HIBCH: variants seen among roughly 807,000 people sequenced by gnomAD.
HIBCH encodes the protein 3-hydroxyisobutyryl-CoA hydrolase, mitochondrial.
Under a neutral mutation model 58.2 loss-of-function variants are expected in HIBCH, and 50 were observed. The observed-to-expected ratio is 0.86, with a 90% confidence interval of 0.68 to 1.09. The LOEUF (loss-of-function observed/expected upper bound fraction) is 1.09. HIBCH is among the 50% of genes least tolerant of loss of function. HIBCH has a pLI of 0.00. For missense variants in HIBCH, 450 were observed against 449.7 expected, an observed-to-expected ratio of 1.00 and a Z score of -0.01; for synonymous variants, 151 against 146.9, an observed-to-expected ratio of 1.03 and a Z score of -0.20.
chr2:190,248,072 A>C (rs1258719905), intron 9 of HIBCH, among the ~76,000 whole-genome samples: 1 of 151,892 alleles, frequency 6.6e-6, no homozygotes, highest in East Asian at 1.9e-4. Flanking sequence ...GTTGTTTAAG[A>C]GGTAAAATAT....
chr2:190,193,023 G>A (rs928007851), intron 1 of HIBCH, among the ~76,000 whole-genome samples: 2 of 151,946 alleles, frequency 1.3e-5, no homozygotes, highest in South Asian at 4.1e-4. Flanking sequence ...TACTCAGTGG[G>A]ACTTCCGGTA....
chr2:190,205,154 T>C lies in HIBCH; in HGVS notation c.1124A>G (p.His375Arg), dbSNP rs1690359039. The change falls in exon 14 of 14, where the codon CAC becomes CGC. Residue 375 changes from histidine (H) to arginine (R), a missense_variant. By Grantham distance (29) the His-to-Arg change is conservative. Transcript: ENST00000359678. Reference protein sequence around the residue: ...KEVTEEDLNNHFKSLGSSDLK... With the variant: ...KEVTEEDLNNRFKSLGSSDLK... The stretch of plus-strand genomic sequence containing the variant: ...ATCACTGCTTCCCAAAGACTTAAAG[T>C]GATTATTCAAATCTTCCTCAGTAAC... 2 of 1,609,154 alleles carry C rather than the reference T, an allele frequency of 1.2e-6. No individual in the cohort carries two copies. Among genetic ancestry groups the C allele is most frequent in the East Asian group, 2.2e-5 (1 of 44,836 alleles).
rs572919427 is a variant in HIBCH at position 190,314,372 on chromosome 2, T to C, written c.36-3576A>G. 6.4e-3 allele frequency among the ~76,000 whole-genome samples: 553 copies of C among 86,598 alleles called. 7 individuals carry two copies. The highest frequency in any genetic ancestry group is 0.024 in the African/African-American group (512 of 20,958). 56.8% of individuals were successfully genotyped at this position (86,598 alleles called of 152,430 possible). On this transcript the variant is annotated intron_variant, in intron 1 of 13. Coordinates refer to ENST00000359678, the MANE Select transcript of HIBCH (RefSeq NM_014362.4). ...GTGTATATATACGTATATATATACG[T>C]ATATATGTGTATATATATGTATATA...
intron 1 of HIBCH, among the ~76,000 whole-genome samples, chr2:190,194,395 A>G (rs925700034): frequency 1.3e-5 from 2 of 151,440 alleles, no homozygotes; most frequent in African/African-American, 4.9e-5. Flanking sequence ...ATTTTTTAAA[A>G]AAATAATAGA....
chr2:190,230,678 G>C (rs879934768), intron 11 of HIBCH, among the ~76,000 whole-genome samples: 4 of 152,226 alleles, frequency 2.6e-5, no homozygotes, highest in African/African-American at 9.6e-5. Flanking sequence ...CTGGGCGAGA[G>C]AGCAAGACTC....
intron 7 of HIBCH, among the ~76,000 whole-genome samples, chr2:190,255,848 A>AGAGT (rs1553501218): frequency 0.015 from 2,324 of 151,024 alleles, 58 homozygotes; most frequent in East Asian, 0.11. Context: ...AGAGAGAGAG[A>AGAGT]GTGTGTGTGT....
In HIBCH at chr2:190,207,367, C is replaced by G. The variant is rs189793377; in HGVS notation, c.1045+1513G>C. ...GTAATCCACATGCAGCAAGAATTTG[C>G]AGAGAATTTGTGAGGAAAATGCCTA... On this transcript the variant is annotated intron_variant, in intron 13 of 13. Coordinates refer to ENST00000359678, the MANE Select transcript of HIBCH (RefSeq NM_014362.4). The surrounding 1 kb of genome is among the most constrained non-coding windows in gnomAD (Gnocchi z 4.5). 1.2e-3 allele frequency among the ~76,000 whole-genome samples: 189 copies of G among 152,222 alleles called. No homozygotes were observed. The highest frequency in any genetic ancestry group is 2.2e-3 in the Non-Finnish European group (153 of 68,010).
At chr2:190,199,954 G>T (rs568954789), downstream of HIBCH, 14 of 1,614,016 alleles carry the variant, frequency 8.7e-6, no homozygotes, top group Non-Finnish European at 1.1e-5. Flanking sequence ...TATGCCAGAA[G>T]AGAGATGTCT....
intron 12 of HIBCH, among the ~76,000 whole-genome samples, chr2:190,212,384 T>C (rs1240478826): frequency 3.3e-5 from 5 of 152,232 alleles, no homozygotes; most frequent in Non-Finnish European, 7.3e-5. Flanking sequence ...AAGGGTCCTC[T>C]GAACATAAAG....
intron 11 of HIBCH, among the ~76,000 whole-genome samples, chr2:190,225,289 T>C (rs957155476): frequency 1.6e-4 from 24 of 151,758 alleles, no homozygotes; most frequent in Admixed American, 1.4e-3. Flanking sequence ...CTGAAGGAAA[T>C]AGAGACACAA....
In HIBCH at chr2:190,287,618, C is replaced by G; in HGVS notation, c.406G>C (p.Val136Leu). Residue 136 changes from valine to leucine, a missense_variant, in exon 6 of 14, where the codon GTT (valine) becomes CTT (leucine). Physicochemically the swap from Val to Leu is conservative, Grantham distance 32. Transcript: ENST00000359678. ...NAVGSCQKPY[V>L]ALIHGITMGG... ...ATTGTAATTCCATGAATAAGTGCAA[C>G]ATAAGGTTTCTGGCAAGAACCTGAA... is the stretch of plus-strand genomic sequence containing the variant. 6.2e-7 allele frequency: 1 copy of G among 1,611,504 alleles called. No homozygotes were observed. Among genetic ancestry groups the G allele is most frequent in the Non-Finnish European group, 8.5e-7 (1 of 1,177,956 alleles).
intron 11 of HIBCH, among the ~76,000 whole-genome samples, chr2:190,240,296 T>C (rs1436808033): frequency 6.6e-6 from 1 of 152,230 alleles, no homozygotes; most frequent in Admixed American, 6.5e-5. Context: ...GAGAGGTGTT[T>C]ACAGCATTCT....
chr2:190,208,945 T>C, intron 12 of HIBCH, 32 bp from the exon 13 acceptor site: 2 of 1,599,778 alleles, frequency 1.3e-6, no homozygotes, highest in Non-Finnish European at 8.6e-7. Context: ...ATGGGGATAA[T>C]TTCTGGGTGT....
Position 190,254,750 on chromosome 2 carries a change from A to C in HIBCH, c.518-2443T>G, listed in dbSNP as rs975209785. Among the ~76,000 whole-genome samples the C allele has an allele frequency of 2.6e-5, 4 of 152,132 alleles. No individual in the cohort carries two copies. The highest frequency in any genetic ancestry group is 4.4e-5 in the Non-Finnish European group (3 of 68,032). On this transcript the variant is annotated intron_variant, in intron 7 of 13. Transcript: ENST00000359678. The surrounding 1 kb of genome is among the most constrained non-coding windows in gnomAD (Gnocchi z 5.0). ...TCAGTTAAGCCCAAAACATGTTTCAAATCTATTCACTCTTTTCAACTCTAT... is the reference window on the plus strand; with the variant it reads ...TCAGTTAAGCCCAAAACATGTTTCACATCTATTCACTCTTTTCAACTCTAT...
In HIBCH at chr2:190,296,906, T is replaced by C; in HGVS notation, c.126A>G (p.Lys42=). The C allele has an allele frequency of 6.2e-7, 1 of 1,614,096 alleles. No homozygotes were observed. ...GTGTTATGACTCCCGTGCAACCTTT[T>C]TTTTCCAATAGCACCTCTTCTGCTG... ...TDAAEEVLLE[K]KGCTGVITLN... Residue 42 remains lysine, a synonymous_variant, in exon 3 of 14, where the codon AAA becomes AAG. Coordinates refer to ENST00000359678, the MANE Select transcript of HIBCH (RefSeq NM_014362.4).
chr2:190,258,322 A>C (rs1328757266), intron 7 of HIBCH, among the ~76,000 whole-genome samples: 1 of 152,172 alleles, frequency 6.6e-6, no homozygotes, highest in Admixed American at 6.5e-5. Flanking sequence ...TCTTTTCTTC[A>C]TAAATTACCC....
rs200045828 is a variant in HIBCH, at chr2:190,246,108, A to G, written c.809+46T>C. On this transcript the variant is annotated intron_variant, in intron 10 of 13. Transcript: ENST00000359678. ...ATAATGTTAGCAAATTCATTTTAAC[A>G]TAGTCTTTCTAAAGGAATATATAAC... The G allele has an allele frequency of 2.6e-4, 285 of 1,090,182 alleles. 1 individual carries two copies. In the African/African-American group the frequency reaches 4.0e-3, roughly 15 times the overall value. 67.5% of individuals were successfully genotyped at this position (1,090,182 alleles called of 1,614,324 possible). A position where few individuals can be genotyped will look rare whatever the true frequency, so the allele number is the denominator to read the frequency against.
chr2:190,311,746 TA>T (rs757279988), intron 1 of HIBCH, among the ~76,000 whole-genome samples: 8 of 152,220 alleles, frequency 5.3e-5, no homozygotes, highest in Non-Finnish European at 8.8e-5. Flanking sequence ...CTGTGTCTAT[TA>T]ATACAGCCAT....
In HIBCH at chr2:190,254,898, T is replaced by C. The variant is rs1297861431; in HGVS notation, c.518-2591A>G. Reference sequence around the variant, plus strand: ...ACAGCCACTAGCCATATGTAGCTATTAAACACCTGAAATGTAGCTGGTGTG... The same window carrying C: ...ACAGCCACTAGCCATATGTAGCTATCAAACACCTGAAATGTAGCTGGTGTG... On this transcript the variant is annotated intron_variant, in intron 7 of 13. Coordinates refer to ENST00000359678, the MANE Select transcript of HIBCH (RefSeq NM_014362.4). This position sits in a 1 kb window ranked among gnomAD's most constrained non-coding sequence, Gnocchi z 5.0. 2.0e-5 allele frequency among the ~76,000 whole-genome samples: 3 copies of C among 152,234 alleles called. No individual in the cohort carries two copies. The highest frequency in any genetic ancestry group is 4.1e-4 in the South Asian group (2 of 4,832).
Sources: allele counts gnomAD v4.1 joint callset (sites outside exome capture counted in the v4.1 genomes callset), GRCh38; gene constraint gnomAD v4.1.1; non-coding constraint Gnocchi (gnomAD v3.1); transcripts MANE v1.5; gene names NCBI Gene and HGNC (gene_info 2026-07-23, HGNC 2026-07-21).